Variants in MVB12B observed in about 807,000 individuals in gnomAD.
MVB12B encodes multivesicular body subunit 12B.
A neutral mutation model predicts 41.6 loss-of-function variants in MVB12B; 16 were observed. That is an observed-to-expected ratio of 0.38 (90% confidence interval 0.26 to 0.58). MVB12B has a LOEUF of 0.58. MVB12B is among the 20% of genes least tolerant of loss of function. The pLI, the probability that MVB12B is intolerant of heterozygous loss-of-function variation, is 0.62. For synonymous variants in MVB12B, 133 were observed against 139.7 expected (o/e 0.95, Z 0.34); for missense variants, 274 against 380.2 (o/e 0.72, Z 2.32).
Position 126,436,113 on chromosome 9 carries a change from C to A in MVB12B, c.757+14165C>A, listed in dbSNP as rs551206942. Among the ~76,000 whole-genome samples the A allele has an allele frequency of 6.6e-6, 1 of 152,202 alleles. No individual in the cohort carries two copies. The highest frequency in any genetic ancestry group is 1.5e-5 in the Non-Finnish European group (1 of 68,034). On this transcript the variant is annotated intron_variant, in intron 7 of 9. Coordinates refer to ENST00000361171, the MANE Select transcript of MVB12B (RefSeq NM_033446.3). The surrounding 1 kb of genome is among the most constrained non-coding windows in gnomAD (Gnocchi z 4.1). ...GTAATTTTGGGGAAAAAAAGAGATG[C>A]TGTTTTTTGGATCACTGCACAAGAA...
intron 1 of MVB12B, among the ~76,000 whole-genome samples, chr9:126,335,649 G>A (rs986474089): frequency 3.9e-5 from 6 of 152,244 alleles, no homozygotes; most frequent in Non-Finnish European, 8.8e-5. Context: ...TATGAAGGCC[G>A]GAGCAGCAGC....
chr9:126,398,288 T>A (rs1831174898), intron 6 of MVB12B, among the ~76,000 whole-genome samples: 1 of 151,752 alleles, frequency 6.6e-6, no homozygotes, highest in Non-Finnish European at 1.5e-5. Flanking sequence ...CCTACCTGAA[T>A]CCAGGCACGA....
intron 2 of MVB12B, among the ~76,000 whole-genome samples, chr9:126,353,260 T>C (rs1422453126): frequency 6.6e-6 from 1 of 152,260 alleles, no homozygotes; most frequent in East Asian, 1.9e-4. Context: ...TATTGTTTTG[T>C]TTTAATAGTG....
rs1228240796 is a variant in MVB12B, at chr9:126,459,563, A to G, written c.758-21806A>G. Among the ~76,000 whole-genome samples, 1 of 152,092 alleles carries G rather than the reference A, an allele frequency of 6.6e-6. No individual in the cohort carries two copies. The highest frequency in any genetic ancestry group is 1.5e-5 in the Non-Finnish European group (1 of 68,006). On this transcript the variant is annotated intron_variant, in intron 7 of 9. Transcript: ENST00000361171. This position sits in a 1 kb window ranked among gnomAD's most constrained non-coding sequence, Gnocchi z 4.3. ...CCACAGCAGCATTTCTCATGGTGCC[A>G]TTGTGTCTGAGGTCCCAGAGCCAAA...
intron 2 of MVB12B, among the ~76,000 whole-genome samples, chr9:126,365,900 C>T (rs1830167520): frequency 1.3e-5 from 2 of 152,196 alleles, no homozygotes; most frequent in Admixed American, 1.3e-4. Context: ...ATGGAATTTA[C>T]AGACCCAGAC....
At chr9:126,485,937 C>A (rs1483023033) in intron 9 of MVB12B, among the ~76,000 whole-genome samples, 1 of 152,072 alleles carries the variant, frequency 6.6e-6, no homozygotes, top group Non-Finnish European at 1.5e-5. Context: ...GAGGAACATT[C>A]ATCTCAAAGA....
intron 7 of MVB12B, among the ~76,000 whole-genome samples, chr9:126,449,277 A>G (rs1359513567): frequency 6.6e-6 from 1 of 152,116 alleles, no homozygotes; most frequent in African/African-American, 2.4e-5. Flanking sequence ...CAACCTGCAG[A>G]AGTCGGATGT....
rs567642335 is a variant in MVB12B at position 126,418,807 on chromosome 9, C to T, written c.663-3047C>T. On this transcript the variant is annotated intron_variant, in intron 6 of 9. Transcript: ENST00000361171. Reference sequence around the variant, plus strand: ...ATTTCTGCCTATCTTCAGTTCCCACCTCAATGTACCTTCCTCCAGGAAGCC... The same window carrying T: ...ATTTCTGCCTATCTTCAGTTCCCACTTCAATGTACCTTCCTCCAGGAAGCC... 2.0e-5 allele frequency among the ~76,000 whole-genome samples: 3 copies of T among 152,292 alleles called. No individual in the cohort carries two copies. The East Asian group carries it at 5.8e-4, about 29-fold the overall frequency.
At chr9:126,469,889 C>T (rs942251952) in intron 7 of MVB12B, among the ~76,000 whole-genome samples, 2 of 152,100 alleles carry the variant, frequency 1.3e-5, no homozygotes, top group Admixed American at 6.5e-5. Flanking sequence ...TGATCCCTGC[C>T]CCAAGCCATT....
chr9:126,493,704 T>G (rs1833778808), intron 9 of MVB12B, among the ~76,000 whole-genome samples: 1 of 152,250 alleles, frequency 6.6e-6, no homozygotes, highest in Non-Finnish European at 1.5e-5. Context: ...TGGTCCTTTC[T>G]CTTTAGGTCA....
intron 2 of MVB12B, among the ~76,000 whole-genome samples, chr9:126,346,570 T>C (rs1202759747): frequency 6.6e-6 from 1 of 152,016 alleles, no homozygotes; most frequent in Non-Finnish European, 1.5e-5. Context: ...GCCCTGGGGC[T>C]GAAGGTCTGG....
In MVB12B at chr9:126,503,287, A is replaced by T; in HGVS notation, c.*24A>T. On this transcript the variant is annotated 3_prime_UTR_variant, in exon 10 of 10. Coordinates refer to ENST00000361171, the MANE Select transcript of MVB12B (RefSeq NM_033446.3). ...GAGGAGCCAGCGGCCACCTGCGGGG[A>T]GACCACCGCCGCCCAGACTACTGAC... is the stretch of plus-strand genomic sequence containing the variant. 1.3e-6 allele frequency: 2 copies of T among 1,540,110 alleles called. No homozygotes were observed. The highest frequency in any genetic ancestry group is 2.0e-5 in the Admixed American group (1 of 50,912).
rs1018309909 is a variant in MVB12B, at chr9:126,505,688, G to A, written c.*2425G>A. 6.7e-6 allele frequency: 1 copy of A among 149,114 alleles called. No homozygotes were observed. Among genetic ancestry groups the A allele is most frequent in the Non-Finnish European group, 1.5e-5 (1 of 66,406 alleles). 9.2% of individuals were successfully genotyped at this position (149,114 alleles called of 1,614,324 possible). ...TGTGTGTGTGTGTGTGTATATGTGT[G>A]TGTGTGCACGCACATGCGTGTGTAT... is the stretch of plus-strand genomic sequence containing the variant. On this transcript the variant is annotated 3_prime_UTR_variant, in exon 10 of 10. Coordinates refer to ENST00000361171, the MANE Select transcript of MVB12B (RefSeq NM_033446.3).
In MVB12B at chr9:126,340,724, G is replaced by T. The variant is rs540940161; in HGVS notation, c.204+94G>T. 1.4e-6 allele frequency: 2 copies of T among 1,437,142 alleles called. No homozygotes were observed. The highest frequency in any genetic ancestry group is 3.8e-5 in the Admixed American group (2 of 53,282). The allele number at this position is 1,437,142 out of a possible 1,614,324, so 89.0% of individuals were successfully genotyped here. On this transcript the variant is annotated intron_variant, in intron 2 of 9. Transcript: ENST00000361171. The surrounding 1 kb of genome is among the most constrained non-coding windows in gnomAD (Gnocchi z 4.0). ...ACCTTCTGGCCCTTGCGTGTAAGATGTGCTTCTTCCCTCTAGGAACTTAAT... is the reference window on the plus strand; with the variant it reads ...ACCTTCTGGCCCTTGCGTGTAAGATTTGCTTCTTCCCTCTAGGAACTTAAT...
chr9:126,387,346 A>G (rs557333725), intron 4 of MVB12B, among the ~76,000 whole-genome samples: 1 of 152,208 alleles, frequency 6.6e-6, no homozygotes, highest in African/African-American at 2.4e-5. Context: ...AGCCAACTTT[A>G]TGGTATTTAC....
chr9:126,332,665 T>C lies in MVB12B; in HGVS notation c.81+5655T>C, dbSNP rs563172201. Among the ~76,000 whole-genome samples, 13 of 152,332 alleles carry C rather than the reference T, an allele frequency of 8.5e-5. No individual in the cohort carries two copies. The South Asian group carries it at 1.4e-3, about 17-fold the overall frequency. ...ACTGGAAGGGGTCTGACAGCTCTGC[T>C]GTTCCCCCGCCCCTTTATGTGCCCC... On this transcript the variant is annotated intron_variant, in intron 1 of 9. Coordinates refer to ENST00000361171, the MANE Select transcript of MVB12B (RefSeq NM_033446.3).
intron 9 of MVB12B, among the ~76,000 whole-genome samples, chr9:126,487,609 C>T (rs1426779814): frequency 1.3e-5 from 2 of 152,172 alleles, no homozygotes; most frequent in South Asian, 2.1e-4. Flanking sequence ...AAAACACACA[C>T]ACAAAAATAG....
intron 7 of MVB12B, among the ~76,000 whole-genome samples, chr9:126,438,362 T>A (rs1375109341): frequency 6.6e-6 from 1 of 151,906 alleles, no homozygotes; most frequent in African/African-American, 2.4e-5. Context: ...CATAATTGAA[T>A]AGCATTTATA....
chr9:126,408,415 C>T (rs1415832791), intron 6 of MVB12B: 1 of 152,150 alleles, frequency 6.6e-6, no homozygotes, highest in Non-Finnish European at 1.5e-5. Flanking sequence ...GCTCCCCCCA[C>T]GCAGGCCTGA....
Sources: allele counts gnomAD v4.1 joint callset (sites outside exome capture counted in the v4.1 genomes callset), GRCh38; gene constraint gnomAD v4.1.1; non-coding constraint Gnocchi (gnomAD v3.1); transcripts MANE v1.5; gene names NCBI Gene and HGNC (gene_info 2026-07-23, HGNC 2026-07-21).